The following TRAPPC3 variants were observed in gnomAD, a reference collection of about 807,000 sequenced individuals.
TRAPPC3 encodes the protein trafficking protein particle complex 3.
A neutral mutation model predicts 18.2 loss-of-function variants in TRAPPC3; 5 were observed. That is an observed-to-expected ratio of 0.28 (90% CI 0.14 to 0.58). The LOEUF (loss-of-function observed/expected upper bound fraction) is 0.58. Ranked by LOEUF, TRAPPC3 falls within the 20% of genes least tolerant of loss-of-function variation. TRAPPC3 has a pLI of 0.91. For synonymous variants in TRAPPC3, 65 were observed against 84.2 expected (o/e 0.77, Z 1.25); for missense variants, 176 against 225.9 (o/e 0.78, Z 1.41).
Position 36,149,334 on chromosome 1 carries a change from T to A in TRAPPC3, c.42+3A>T. ...CCCGCCGAGGTCACGCGCTCCAAGT[T>A]ACCATTTTCTTGCTCTCGGTGCCAC... On this transcript the variant is annotated splice_donor_region_variant and intron_variant, in intron 1 of 4. Coordinates refer to ENST00000373166, the MANE Select transcript of TRAPPC3 (RefSeq NM_014408.5). 6.2e-7 allele frequency: 1 copy of A among 1,613,554 alleles called. No homozygotes were observed. Among genetic ancestry groups the A allele is most frequent in the Non-Finnish European group, 8.5e-7 (1 of 1,179,826 alleles).
chr1:36,139,746 G>C lies in TRAPPC3; in HGVS notation c.214C>G (p.Arg72Gly), dbSNP rs750406913. Residue 72 changes from arginine (R) to glycine (G), a missense_variant, in exon 3 of 5, where the codon CGG becomes GGG. Coordinates refer to ENST00000373166, the MANE Select transcript of TRAPPC3 (RefSeq NM_014408.5). ...RSNVGRCHDF[R>G]ETADVIAKVA... The stretch of plus-strand genomic sequence containing the variant: ...TTGGCAATGACATCCGCAGTTTCCC[G>C]AAAGTCATGGCACCTCCCAACATTT... 6.2e-7 allele frequency: 1 copy of C among 1,614,110 alleles called. No homozygotes were observed. Among genetic ancestry groups the C allele is most frequent in the Non-Finnish European group, 8.5e-7 (1 of 1,180,026 alleles).
chr1:36,154,967 C>T (rs72906766), intron 1 of TRAPPC3, among the ~76,000 whole-genome samples: 3,749 of 152,212 alleles, frequency 0.025, 158 homozygotes, highest in African/African-American at 0.085. Flanking sequence ...GGACAGGCTG[C>T]TCCCAGGTTG....
At chr1:36,149,086 T>C (rs1644242864) in intron 1 of TRAPPC3, 1 of 1,401,914 alleles carries the variant, frequency 7.1e-7, no homozygotes, top group African/African-American at 1.5e-5. Context: ...TATTGGTATT[T>C]ATTACCGTCG....
chr1:36,154,062 T>C (rs1365604703), upstream of TRAPPC3, among the ~76,000 whole-genome samples: 1 of 152,208 alleles, frequency 6.6e-6, no homozygotes, highest in Non-Finnish European at 1.5e-5. Flanking sequence ...TGAAGTGCAG[T>C]GGCATGATCT....
intron 3 of TRAPPC3, 134 bp downstream of exon 3, chr1:36,139,585 GT>G (rs1364229651): frequency 1.1e-4 from 125 of 1,188,368 alleles, no homozygotes; most frequent in Non-Finnish European, 1.4e-4. Context: ...GACCTGGAAT[GT>G]TTTTTTGACC....
chr1:36,138,356 C>T (rs1487378544), intron 3 of TRAPPC3: 2 of 1,157,128 alleles, frequency 1.7e-6, no homozygotes, highest in African/African-American at 3.1e-5. Flanking sequence ...ACTTCTCTGT[C>T]CTCTGTCTGT....
chr1:36,140,090 A>G lies in TRAPPC3; in HGVS notation c.119T>C (p.Val40Ala), dbSNP rs1230349116. ...TCACATTTTGTCCAGCTGTTTATTC[A>G]CATCTTCATCATTTTCATAGTCCTT... Reference protein sequence around the residue: ...LCKDYENDEDVNKQLDKMGFN... With the variant: ...LCKDYENDEDANKQLDKMGFN... Residue 40 changes from valine (V) to alanine (A), a missense_variant, in exon 2 of 5, where the codon GTG (valine) becomes GCG (alanine). By Grantham distance (64) the Val-to-Ala change is moderately conservative. Transcript: ENST00000373166. 6.2e-7 allele frequency: 1 copy of G among 1,603,470 alleles called. No individual in the cohort carries two copies.
upstream of TRAPPC3, among the ~76,000 whole-genome samples, chr1:36,149,929 C>T (rs1644255942): frequency 6.6e-6 from 1 of 152,226 alleles, no homozygotes; most frequent in African/African-American, 2.4e-5. Context: ...TTGGCTTCTT[C>T]ATTAGAAAAA....
chr1:36,151,170 G>T (rs556048169), upstream of TRAPPC3, among the ~76,000 whole-genome samples: 1 of 152,222 alleles, frequency 6.6e-6, no homozygotes, highest in South Asian at 2.1e-4. Flanking sequence ...ATGAACAGTG[G>T]GGGTGGGGGC....
At chr1:36,156,032 G>T (rs1201669944) in exon 1 of TRAPPC3, 1 of 191,332 alleles carries the variant, frequency 5.2e-6, no homozygotes, top group Non-Finnish European at 1.1e-5. Flanking sequence ...GGGCGGGGGC[G>T]GCGCGAACGG....
upstream of TRAPPC3, among the ~76,000 whole-genome samples, chr1:36,150,033 C>T (rs1319566929): frequency 6.6e-6 from 1 of 152,224 alleles, no homozygotes; most frequent in African/African-American, 2.4e-5. Flanking sequence ...CCTTCTACCA[C>T]CTGTGGCCTC....
intron 3 of TRAPPC3, chr1:36,138,243 T>C (rs1328929642): frequency 6.5e-7 from 1 of 1,540,328 alleles, no homozygotes; most frequent in Non-Finnish European, 8.7e-7. Context: ...CTAGGCATCA[T>C]ACAAGTAAGC....
At chr1:36,155,576 GAC>G (rs775046818) in intron 1 of TRAPPC3, 3 of 152,774 alleles carry the variant, frequency 2.0e-5, no homozygotes, top group Admixed American at 1.3e-4. Context: ...GAGCAGGGAA[GAC>G]ACAAGCGCAG....
chr1:36,139,992 T>A, intron 2 of TRAPPC3, 77 bp downstream of exon 2: 1 of 1,469,982 alleles, frequency 6.8e-7, no homozygotes, highest in Non-Finnish European at 9.2e-7. Context: ...AACCCTGTTT[T>A]AAGCTCTAAA....
intron 1 of TRAPPC3, among the ~76,000 whole-genome samples, chr1:36,142,189 G>C (rs1344112119): frequency 2.1e-5 from 2 of 96,426 alleles, no homozygotes; most frequent in Non-Finnish European, 6.0e-5. Context: ...TCAGTTTCAG[G>C]ATCAGGAGGC....
At chr1:36,139,908 GA>G (rs1644082633) in intron 2 of TRAPPC3, 89 bp from the exon 3 acceptor site, 2 of 1,555,784 alleles carry the variant, frequency 1.3e-6, no homozygotes, top group Non-Finnish European at 1.7e-6. Flanking sequence ...GGAAAATGGG[GA>G]TAATCTCAAA....
upstream of TRAPPC3, among the ~76,000 whole-genome samples, chr1:36,150,314 A>T: frequency 6.6e-6 from 1 of 152,206 alleles, no homozygotes; most frequent in Non-Finnish European, 1.5e-5. Flanking sequence ...ACCCTCCAAA[A>T]ACAAGCCAAC....
At chr1:36,150,663 A>G (rs1644261823), upstream of TRAPPC3, among the ~76,000 whole-genome samples, 1 of 152,182 alleles carries the variant, frequency 6.6e-6, no homozygotes, top group African/African-American at 2.4e-5. Flanking sequence ...TGCAGGACCA[A>G]TCATTATTAT....
At chr1:36,149,554 C>A, upstream of TRAPPC3, 2 of 730,382 alleles carry the variant, frequency 2.7e-6, no homozygotes, top group Non-Finnish European at 2.3e-6. Flanking sequence ...ACGTGGGCAA[C>A]TCCCGCCCAA....
Sources: gnomAD v4.1 joint callset for allele counts (sites outside exome capture counted in the v4.1 genomes callset) on GRCh38, gnomAD v4.1.1 for gene constraint, MANE v1.5 for transcripts, NCBI Gene and HGNC (gene_info 2026-07-23, HGNC 2026-07-21) for gene names.